The following CREB5 variants were observed in gnomAD, a reference collection of about 807,000 sequenced individuals.
The protein encoded by CREB5 is cAMP responsive element binding protein 5, also known as cyclic AMP-responsive element-binding protein 5.
A neutral mutation model predicts 57.1 loss-of-function variants in CREB5; 19 were observed. That is an observed-to-expected ratio of 0.33 (90% confidence interval 0.23 to 0.49). CREB5 has a LOEUF of 0.49. Ranked by LOEUF, CREB5 falls within the 20% of genes least tolerant of loss-of-function variation. The probability of loss-of-function intolerance (pLI) is 0.99; values close to 1 mark genes in which losing one functional copy is unlikely to be tolerated. For synonymous variants in CREB5, 238 were observed against 238.3 expected (o/e 1.00, Z 0.01); for missense variants, 579 against 671.6 (o/e 0.86, Z 1.52).
At chr7:28,377,863 C>T (rs1393765338) in intron 1 of CREB5, among the ~76,000 whole-genome samples, 2 of 129,928 alleles carry the variant, frequency 1.5e-5, no homozygotes, top group Non-Finnish European at 3.1e-5. Context: ...ACCCGAGAGG[C>T]GGAGCTTGCA....
intron 1 of CREB5, among the ~76,000 whole-genome samples, chr7:28,351,937 T>C (rs1280671706): frequency 6.6e-6 from 1 of 152,176 alleles, no homozygotes; most frequent in Non-Finnish European, 1.5e-5. Context: ...GTTTAGGAAA[T>C]TGGGCCATTC....
At chr7:28,610,908 T>TGA (rs373153993) in intron 5 of CREB5, among the ~76,000 whole-genome samples, 24 of 151,388 alleles carry the variant, frequency 1.6e-4, no homozygotes, top group African/African-American at 2.9e-4. Context: ...TGTGTGTGTG[T>TGA]GAGAGAGAGA....
chr7:28,355,849 G>A (rs1273973481), intron 1 of CREB5, among the ~76,000 whole-genome samples: 4 of 152,192 alleles, frequency 2.6e-5, no homozygotes, highest in East Asian at 3.8e-4. Context: ...GTCACAGAGC[G>A]TAACACCTGA....
chr7:28,651,886 C>A (rs1390926884), intron 5 of CREB5, among the ~76,000 whole-genome samples: 1 of 152,180 alleles, frequency 6.6e-6, no homozygotes, highest in African/African-American at 2.4e-5. Flanking sequence ...AGAGGAAGCA[C>A]CGCTAGGTAG....
intron 1 of CREB5, among the ~76,000 whole-genome samples, chr7:28,349,190 G>A (rs1786139415): frequency 6.6e-6 from 1 of 152,142 alleles, no homozygotes; most frequent in African/African-American, 2.4e-5. Context: ...TAATTTTGAA[G>A]TTTCGAGAGC....
intron 5 of CREB5, among the ~76,000 whole-genome samples, chr7:28,600,505 T>G (rs1173357818): frequency 6.6e-6 from 1 of 152,058 alleles, no homozygotes; most frequent in Non-Finnish European, 1.5e-5. Flanking sequence ...TTTAATTATG[T>G]GAAAACTGAG....
intron 1 of CREB5, among the ~76,000 whole-genome samples, chr7:28,364,157 T>C (rs534179965): frequency 1.3e-5 from 2 of 152,342 alleles, no homozygotes; most frequent in African/African-American, 4.8e-5. Flanking sequence ...AATGAATTTA[T>C]GTTTCTTCAA....
chr7:28,312,426 G>A (rs1424433061), intron 1 of CREB5, among the ~76,000 whole-genome samples: 2 of 152,222 alleles, frequency 1.3e-5, no homozygotes, highest in African/African-American at 4.8e-5. Context: ...GCTGGCAGGA[G>A]CTGAGGGGGC....
intron 1 of CREB5, among the ~76,000 whole-genome samples, chr7:28,333,759 G>T (rs1437401046): frequency 6.6e-6 from 1 of 152,148 alleles, no homozygotes; most frequent in Non-Finnish European, 1.5e-5. Context: ...GTACTCCATT[G>T]TGTATATGTA....
intron 1 of CREB5, among the ~76,000 whole-genome samples, chr7:28,481,287 G>A (rs2128589722): frequency 1.3e-5 from 2 of 152,342 alleles, no homozygotes; most frequent in Middle Eastern, 6.8e-3. Flanking sequence ...TGTGATTCAG[G>A]TTGTAGGATT....
At chr7:28,436,970 CTACT>C (rs1454464504) in intron 1 of CREB5, among the ~76,000 whole-genome samples, 5 of 152,100 alleles carry the variant, frequency 3.3e-5, no homozygotes, top group African/African-American at 1.2e-4. Flanking sequence ...GCCCCTGGCT[CTACT>C]TTCCCCAGGT....
At position 28,679,842 on chromosome 7, in the gene CREB5, G is replaced by C. The variant is rs556121485; in HGVS notation, c.465-38911G>C. ...TTGGTATCAGACAACTTTTAGTTCA[G>C]CTCTCAGCTCACAGTGGCTAATTGA... On this transcript the variant is annotated intron_variant, in intron 5 of 10. Transcript: ENST00000357727. Among the ~76,000 whole-genome samples, 58 of 152,302 alleles carry C rather than the reference G, an allele frequency of 3.8e-4. 2 individuals carry two copies. The highest frequency in any genetic ancestry group is 1.3e-3 in the African/African-American group (56 of 41,568).
chr7:28,499,450 T>C (rs1028454635), intron 3 of CREB5, among the ~76,000 whole-genome samples: 4 of 152,022 alleles, frequency 2.6e-5, no homozygotes, highest in African/African-American at 9.7e-5. Flanking sequence ...TAATAGATGA[T>C]AGATTGTGTT....
At chr7:28,529,172 C>G (rs1793608195) in intron 4 of CREB5, among the ~76,000 whole-genome samples, 1 of 152,224 alleles carries the variant, frequency 6.6e-6, no homozygotes, top group Non-Finnish European at 1.5e-5. Context: ...TGGGCTACAT[C>G]TGGAGGTTCT....
chr7:28,403,534 T>A (rs1787517484), intron 1 of CREB5, among the ~76,000 whole-genome samples: 1 of 152,146 alleles, frequency 6.6e-6, no homozygotes, highest in Non-Finnish European at 1.5e-5. Context: ...GCTGATATTA[T>A]CTCCATTTTG....
At chr7:28,613,555 G>C (rs1797480795) in intron 5 of CREB5, among the ~76,000 whole-genome samples, 1 of 152,180 alleles carries the variant, frequency 6.6e-6, no homozygotes, top group Non-Finnish European at 1.5e-5. Context: ...CTTAGATTTG[G>C]GTTTCTGAAG....
chr7:28,755,966 C>T (rs375530481), intron 7 of CREB5, among the ~76,000 whole-genome samples: 9 of 149,328 alleles, frequency 6.0e-5, no homozygotes, highest in South Asian at 4.4e-4. Flanking sequence ...TAGGGTGGGG[C>T]GGGCATAAAG....
At chr7:28,301,002 A>G (rs1300505380) in intron 1 of CREB5, among the ~76,000 whole-genome samples, 5 of 152,156 alleles carry the variant, frequency 3.3e-5, no homozygotes. Flanking sequence ...AGATATTTAG[A>G]AATTTAAGAA....
intron 1 of CREB5, among the ~76,000 whole-genome samples, chr7:28,454,810 C>T (rs756117515): frequency 3.3e-5 from 5 of 152,132 alleles, no homozygotes; most frequent in Non-Finnish European, 5.9e-5. Flanking sequence ...ACAGTAACTT[C>T]ATCACTTGGA....
Sources: gnomAD v4.1 joint callset for allele counts (sites outside exome capture counted in the v4.1 genomes callset) on GRCh38, gnomAD v4.1.1 for gene constraint, MANE v1.5 for transcripts, NCBI Gene and HGNC (gene_info 2026-07-23, HGNC 2026-07-21) for gene names.